DTNA: variants seen among roughly 807,000 people sequenced by gnomAD.
The protein encoded by DTNA is dystrobrevin alpha, also known as dystrophin-related protein 3.
Under a neutral mutation model 100.7 loss-of-function variants are expected in DTNA, and 43 were observed. That is an observed-to-expected ratio of 0.43 (90% CI 0.33 to 0.55). The LOEUF (loss-of-function observed/expected upper bound fraction) is 0.55. Among genes scored for constraint, DTNA ranks in the 20% least tolerant of loss-of-function variants. DTNA has a pLI of 0.04. For missense variants in DTNA, 798 were observed against 953.9 expected, an observed-to-expected ratio of 0.84 and a Z score of 2.15; for synonymous variants, 349 against 347.9, an observed-to-expected ratio of 1.00 and a Z score of -0.04.
At chr18:34,557,100 C>T (rs549809334) in intron 1 of DTNA, among the ~76,000 whole-genome samples, 20 of 151,004 alleles carry the variant, frequency 1.3e-4, no homozygotes, top group South Asian at 6.3e-4. Flanking sequence ...CTTCCCTTCT[C>T]GCTTCATTTC....
chr18:34,666,389 G>A (rs1353119328), intron 1 of DTNA, among the ~76,000 whole-genome samples: 2 of 151,760 alleles, frequency 1.3e-5, no homozygotes, highest in African/African-American at 4.8e-5. Context: ...CACTCTGATG[G>A]TAGTTTCTTT....
intron 4 of DTNA, among the ~76,000 whole-genome samples, chr18:34,802,427 G>A (rs1218689238): frequency 6.6e-6 from 1 of 152,216 alleles, no homozygotes; most frequent in Admixed American, 6.5e-5. Context: ...ACACTTAACA[G>A]ATTTTATTGG....
rs769662524 is a variant in DTNA at position 34,815,951 on chromosome 18, G to T, written c.646G>T (p.Asp216Tyr). The stretch of plus-strand genomic sequence containing the variant: ...TGGTTTCTTGGACACGCTTATGTCA[G>T]ATCCTCCCCCGCAGTGTCTGGTCTG... ...LNGFLDTLMSDPPPQCLVWLP... is the reference protein window; with the variant it reads ...LNGFLDTLMSYPPPQCLVWLP... Residue 216 changes from aspartate (D) to tyrosine (Y), a missense_variant, in exon 7 of 23, where the codon GAT becomes TAT. By Grantham distance (160) the Asp-to-Tyr change is radical. Around this residue, in one of 6 missense-constraint regions of DTNA, gnomAD observed 81 missense variants for 153.5 expected, o/e 0.53. Transcript: ENST00000444659. 1.2e-6 allele frequency: 2 copies of T among 1,613,730 alleles called. No individual in the cohort carries two copies. Among genetic ancestry groups the T allele is most frequent in the Non-Finnish European group, 1.7e-6 (2 of 1,179,814 alleles).
chr18:34,518,912 C>G (rs2041918775), intron 1 of DTNA, among the ~76,000 whole-genome samples: 1 of 151,858 alleles, frequency 6.6e-6, no homozygotes, highest in Non-Finnish European at 1.5e-5. Flanking sequence ...AGGACTTGAA[C>G]AATACAAGTG....
intron 1 of DTNA, among the ~76,000 whole-genome samples, chr18:34,547,136 G>A (rs1391988143): frequency 1.3e-5 from 2 of 151,884 alleles, no homozygotes; most frequent in Admixed American, 1.3e-4. Flanking sequence ...TTGAAAGATT[G>A]GAAATTTGTA....
At chr18:34,555,291 G>A (rs542268721) in intron 1 of DTNA, among the ~76,000 whole-genome samples, 8 of 147,900 alleles carry the variant, frequency 5.4e-5, no homozygotes, top group East Asian at 1.9e-4. Flanking sequence ...TCTTGCTAGC[G>A]GTCTATCAGT....
At chr18:34,569,886 T>TACACACAC (rs143877334) in intron 1 of DTNA, among the ~76,000 whole-genome samples, 4 of 147,220 alleles carry the variant, frequency 2.7e-5, no homozygotes, top group African/African-American at 9.9e-5. Context: ...CATACACACA[T>TACACACAC]ACACACACAC....
chr18:34,867,178 C>A, intron 17 of DTNA: 1 of 1,231,294 alleles, frequency 8.1e-7, no homozygotes, highest in Non-Finnish European at 1.0e-6. Context: ...TTCATTTCTT[C>A]TGTATGCTCT....
chr18:34,526,602 C>T (rs1027060106), intron 1 of DTNA, among the ~76,000 whole-genome samples: 1 of 152,084 alleles, frequency 6.6e-6, no homozygotes, highest in Non-Finnish European at 1.5e-5. Context: ...CCTATACTTA[C>T]ATAATCAAAT....
At chr18:34,740,872 A>G (rs1306580986) in intron 1 of DTNA, among the ~76,000 whole-genome samples, 1 of 151,736 alleles carries the variant, frequency 6.6e-6, no homozygotes, top group East Asian at 1.9e-4. Context: ...TATTTTGTTC[A>G]TGTGCCACAG....
chr18:34,793,283 C>G (rs2094829303), intron 3 of DTNA, among the ~76,000 whole-genome samples: 1 of 152,138 alleles, frequency 6.6e-6, no homozygotes, highest in African/African-American at 2.4e-5. Flanking sequence ...GATCTCATAA[C>G]AAGACCTCAG....
chr18:34,818,397 T>A, intron 8 of DTNA, 67 bp downstream of exon 8: 3 of 1,581,512 alleles, frequency 1.9e-6, no homozygotes, highest in Non-Finnish European at 2.6e-6. Flanking sequence ...AAAGGGAATA[T>A]CAAGGATGGT....
At chr18:34,548,236 G>C (rs549770686) in intron 1 of DTNA, among the ~76,000 whole-genome samples, 2 of 152,134 alleles carry the variant, frequency 1.3e-5, no homozygotes, top group East Asian at 3.9e-4. Flanking sequence ...GGCCTACCCT[G>C]TCTCAAAAGA....
At chr18:34,887,279 C>T (rs1484272372) in intron 22 of DTNA, among the ~76,000 whole-genome samples, 3 of 152,166 alleles carry the variant, frequency 2.0e-5, no homozygotes, top group East Asian at 1.9e-4. Flanking sequence ...TAGGGTCCTC[C>T]AAGACTCAAT....
intron 17 of DTNA, among the ~76,000 whole-genome samples, chr18:34,870,931 C>T (rs2096759266): frequency 6.6e-6 from 1 of 152,334 alleles, no homozygotes; most frequent in Non-Finnish European, 1.5e-5. Context: ...ACTCTATACA[C>T]AATGAGCACT....
intron 11 of DTNA, among the ~76,000 whole-genome samples, chr18:34,833,570 A>G (rs1028837166): frequency 2.0e-5 from 3 of 152,080 alleles, no homozygotes; most frequent in Non-Finnish European, 4.4e-5. Flanking sequence ...TTTTTCTTTC[A>G]GCAGATATAT....
At chr18:34,681,091 C>G (rs2145484377) in intron 1 of DTNA, among the ~76,000 whole-genome samples, 1 of 152,252 alleles carries the variant, frequency 6.6e-6, no homozygotes, top group South Asian at 2.1e-4. Context: ...TCAATTTGAT[C>G]CACCATTCCC....
intron 1 of DTNA, among the ~76,000 whole-genome samples, chr18:34,531,513 A>C (rs1009966433): frequency 6.6e-6 from 1 of 152,110 alleles, no homozygotes; most frequent in Admixed American, 6.6e-5. Flanking sequence ...TTGCTCATCC[A>C]TTATCCAGTT....
intron 1 of DTNA, among the ~76,000 whole-genome samples, chr18:34,703,334 T>A (rs73946146): frequency 0.013 from 2,028 of 152,330 alleles, 35 homozygotes; most frequent in African/African-American, 0.043. Context: ...TTTGGTGCTG[T>A]ATTAGGAGGT....
Sources: gnomAD v4.1 joint callset for allele counts (sites outside exome capture counted in the v4.1 genomes callset) on GRCh38, gnomAD v4.1.1 for gene constraint, gnomAD v4.1.1 regional missense constraint, MANE v1.5 for transcripts, NCBI Gene and HGNC (gene_info 2026-07-23, HGNC 2026-07-21) for gene names.